SLC36A4: variants seen among roughly 807,000 people sequenced by gnomAD.
SLC36A4 encodes solute carrier family 36 member 4, also known as neutral amino acid uniporter 4.
In SLC36A4, 49 loss-of-function variants were observed where a neutral mutation model predicts 50.5. That is an observed-to-expected ratio of 0.97 (90% CI 0.77 to 1.23). The LOEUF (loss-of-function observed/expected upper bound fraction) is 1.23, where lower values mean the gene tolerates loss of function less well. SLC36A4 is among the 50% of genes most tolerant of loss of function. The pLI, the probability that SLC36A4 is intolerant of heterozygous loss-of-function variation, is 0.00. For missense variants in SLC36A4, 611 were observed against 608.4 expected (o/e 1.00, Z -0.05); for synonymous variants, 207 against 206.5 (o/e 1.00, Z -0.02).
intron 2 of SLC36A4, 56 bp from the exon 3 acceptor site, chr11:93,184,576 T>G (rs1861893483): frequency 5.6e-6 from 6 of 1,063,538 alleles, no homozygotes; most frequent in Non-Finnish European, 8.6e-6. Flanking sequence ...TATTATAACA[T>G]GATCATGGTT....
chr11:93,172,998 C>G (rs1263163706), intron 6 of SLC36A4, among the ~76,000 whole-genome samples: 1 of 148,620 alleles, frequency 6.7e-6, no homozygotes, highest in African/African-American at 2.5e-5. Context: ...ATTTCCAGTT[C>G]TAGATCCCTG....
chr11:93,176,206 C>A (rs1008354485), intron 6 of SLC36A4, among the ~76,000 whole-genome samples: 1 of 151,966 alleles, frequency 6.6e-6, no homozygotes, highest in African/African-American at 2.4e-5. Context: ...TATGTAATGG[C>A]CTTCTTTGTC....
chr11:93,158,234 T>C (rs1860455296), intron 9 of SLC36A4, among the ~76,000 whole-genome samples: 2 of 152,210 alleles, frequency 1.3e-5, no homozygotes, highest in African/African-American at 4.8e-5. Context: ...TACTCTGATA[T>C]GTAACTGTGG....
At chr11:93,182,767 T>G (rs747954497) in intron 4 of SLC36A4, 39 bp downstream of exon 4, 2 of 1,444,034 alleles carry the variant, frequency 1.4e-6, no homozygotes, top group Non-Finnish European at 1.9e-6. Context: ...AAATAAAAGA[T>G]AGCTTTAAAA....
chr11:93,181,033 T>C, intron 5 of SLC36A4, 152 bp from the exon 6 acceptor site: 1 of 610,628 alleles, frequency 1.6e-6, no homozygotes, highest in Non-Finnish European at 2.9e-6. Context: ...ATGCCAAATC[T>C]AACTTCCTGA....
chr11:93,177,077 T>C (rs898268681), intron 6 of SLC36A4, among the ~76,000 whole-genome samples: 1 of 152,228 alleles, frequency 6.6e-6, no homozygotes, highest in East Asian at 1.9e-4. Context: ...TCCCCAACAC[T>C]TTCAGGTATA....
intron 9 of SLC36A4, among the ~76,000 whole-genome samples, chr11:93,162,262 G>A (rs1860651354): frequency 6.6e-6 from 1 of 151,908 alleles, no homozygotes; most frequent in Admixed American, 6.6e-5. Flanking sequence ...GGTCTCCTAC[G>A]AAGATTATGA....
chr11:93,148,377 A>C lies in SLC36A4; in HGVS notation c.*160T>G. The C allele has an allele frequency of 1.6e-6, 1 of 641,514 alleles. No homozygotes were observed. The allele number at this position is 641,514 out of a possible 1,614,324, so 39.7% of individuals were successfully genotyped here. A position where few individuals can be genotyped will look rare whatever the true frequency, so the allele number is the denominator to read the frequency against. On this transcript the variant is annotated 3_prime_UTR_variant, in exon 11 of 11. Transcript: ENST00000326402. ...AGCAAGGATTTTTCATAGGTTTACC[A>C]CTACTGGTAAAGAGTTATGATTACT...
intron 6 of SLC36A4, chr11:93,180,334 A>C (rs1861680347): frequency 1.0e-6 from 1 of 985,196 alleles, no homozygotes; most frequent in South Asian, 4.7e-5. Flanking sequence ...TTCTCAAAAA[A>C]CTACAGAAAA....
intron 6 of SLC36A4, among the ~76,000 whole-genome samples, chr11:93,176,816 C>T (rs532307776): frequency 2.6e-5 from 4 of 152,274 alleles, no homozygotes; most frequent in Admixed American, 2.6e-4. Context: ...GCCGAGAGAT[C>T]CACTGTTAAG....
Position 93,167,992 on chromosome 11 carries a change from G to A in SLC36A4, c.720C>T (p.Asn240=), listed in dbSNP as rs564532695. Residue 240 remains asparagine (N), a synonymous_variant, in exon 7 of 11, where the codon AAC becomes AAT. Coordinates refer to ENST00000326402, the MANE Select transcript of SLC36A4 (RefSeq NM_152313.4). ...KNLFVLSFLA[N]VSMAVSLVII... The stretch of plus-strand genomic sequence containing the variant: ...TCACAAGACTGACAGCCATGGAAAC[G>A]TTGGCAAGGAATGAAAGTACAAATA... The A allele has an allele frequency of 1.9e-5, 31 of 1,612,234 alleles. No homozygotes were observed. Among genetic ancestry groups the A allele is most frequent in the South Asian group, 3.3e-5 (3 of 90,864 alleles).
chr11:93,173,578 A>T (rs1165830966), intron 6 of SLC36A4, among the ~76,000 whole-genome samples: 3 of 115,518 alleles, frequency 2.6e-5, no homozygotes, highest in Admixed American at 1.9e-4. Context: ...TTATGGTTTT[A>T]GGTCTAACGT....
chr11:93,195,950 C>A (rs1211031839), intron 1 of SLC36A4, among the ~76,000 whole-genome samples: 4 of 152,280 alleles, frequency 2.6e-5, no homozygotes, highest in East Asian at 1.9e-4. Context: ...TTTCACCTAA[C>A]ATACTATATA....
intron 9 of SLC36A4, chr11:93,154,915 TAC>T (rs1565216191): frequency 6.6e-6 from 1 of 152,162 alleles, no homozygotes; most frequent in Admixed American, 6.6e-5. Flanking sequence ...CTCTTTGATA[TAC>T]AGTGCTTCAA....
intron 6 of SLC36A4, among the ~76,000 whole-genome samples, chr11:93,173,051 C>A (rs1263944131): frequency 7.6e-6 from 1 of 130,984 alleles, no homozygotes. Flanking sequence ...AACTAGTTTA[C>A]AGTCCCACCA....
In SLC36A4 at chr11:93,197,976, G is replaced by C. The variant is rs939148823; in HGVS notation, c.-144C>G. 1 of 829,066 alleles carries C rather than the reference G, an allele frequency of 1.2e-6. No individual in the cohort carries two copies. The highest frequency in any genetic ancestry group is 1.7e-6 in the Non-Finnish European group (1 of 586,472). 51.4% of individuals were successfully genotyped at this position (829,066 alleles called of 1,614,324 possible). On this transcript the variant is annotated 5_prime_UTR_variant, in exon 1 of 11. Transcript: ENST00000326402. Reference sequence around the variant, plus strand: ...CCCTGCCCCGGCGCTCCCCAACCGCGCGGCGAGGAGCATGCGCAGTGGGAC... The same window carrying C: ...CCCTGCCCCGGCGCTCCCCAACCGCCCGGCGAGGAGCATGCGCAGTGGGAC...
chr11:93,182,806 C>G lies in SLC36A4; in HGVS notation c.359G>C (p.Arg120Thr). 1 of 1,601,114 alleles carries G rather than the reference C, an allele frequency of 6.2e-7. No individual in the cohort carries two copies. Among genetic ancestry groups the G allele is most frequent in the South Asian group, 1.1e-5 (1 of 89,450 alleles). Residue 120 changes from arginine to threonine, a missense_variant and splice_region_variant, in exon 4 of 11, where the codon AGG becomes ACG. By Grantham distance (71) the Arg-to-Thr change is moderately conservative (BLOSUM62 -1). Transcript: ENST00000326402. ...LVRCSHFLCLRFKKSTLGYSD... is the reference protein window; with the variant it reads ...LVRCSHFLCLTFKKSTLGYSD... ...ATAGGCTTAACAAATCCACATTTAC[C>G]TCAGACATAGAAAGTGACTGCAACG...
chr11:93,197,025 C>G (rs534951206), intron 1 of SLC36A4, among the ~76,000 whole-genome samples: 1 of 152,310 alleles, frequency 6.6e-6, no homozygotes, highest in East Asian at 1.9e-4. Context: ...ATAACAACAA[C>G]CTATCAGTTA....
rs1859810695 is a variant in SLC36A4 at position 93,144,422 on chromosome 11, C to G, written c.*4115G>C. The G allele has an allele frequency of 1.3e-5, 2 of 151,958 alleles. No homozygotes were observed. Among genetic ancestry groups the G allele is most frequent in the African/African-American group, 4.8e-5 (2 of 41,408 alleles). The allele number at this position is 151,958 out of a possible 1,614,324, so 9.4% of individuals were successfully genotyped here. ...AATGAAATATTTTTAGTGTTCTTTT[C>G]AAAACAGCATCTTTCTGGACCCAAT... On this transcript the variant is annotated 3_prime_UTR_variant, in exon 11 of 11. Coordinates refer to ENST00000326402, the MANE Select transcript of SLC36A4 (RefSeq NM_152313.4).
Sources: gnomAD v4.1 joint callset for allele counts (sites outside exome capture counted in the v4.1 genomes callset) on GRCh38, gnomAD v4.1.1 for gene constraint, MANE v1.5 for transcripts, NCBI Gene and HGNC (gene_info 2026-07-23, HGNC 2026-07-21) for gene names.